Variants in PPP2R5C observed in about 807,000 individuals in gnomAD.
PPP2R5C encodes serine/threonine-protein phosphatase 2A 56 kDa regulatory subunit gamma isoform.
Under a neutral mutation model 68.9 loss-of-function variants are expected in PPP2R5C, and 7 were observed. That is an observed-to-expected ratio of 0.10 (90% CI 0.06 to 0.19). The LOEUF (loss-of-function observed/expected upper bound fraction) is 0.19. Ranked by LOEUF, PPP2R5C falls within the 10% of genes least tolerant of loss-of-function variation. The pLI, the probability that PPP2R5C is intolerant of heterozygous loss-of-function variation, is 1.00. For missense variants in PPP2R5C, 348 were observed against 641.3 expected (o/e 0.54, Z 4.94); for synonymous variants, 210 against 222.2 (o/e 0.95, Z 0.49).
chr14:101,816,708 T>C (rs1233624626), intron 1 of PPP2R5C, among the ~76,000 whole-genome samples: 4 of 151,640 alleles, frequency 2.6e-5, no homozygotes, highest in Admixed American at 1.3e-4. Context: ...TCTCTGCAAC[T>C]TTAAATGGTA....
intron 2 of PPP2R5C, among the ~76,000 whole-genome samples, chr14:101,876,674 G>A (rs2043802219): frequency 6.6e-6 from 1 of 152,196 alleles, no homozygotes; most frequent in African/African-American, 2.4e-5. Context: ...AAGTGTCAGG[G>A]AGGCAGCAGA....
intron 1 of PPP2R5C, among the ~76,000 whole-genome samples, chr14:101,822,952 T>C (rs1280069218): frequency 6.6e-6 from 1 of 152,214 alleles, no homozygotes; most frequent in African/African-American, 2.4e-5. Flanking sequence ...AAACATCAAC[T>C]TACAAAAACC....
At chr14:101,819,238 C>T (rs1366939595) in intron 1 of PPP2R5C, 14 of 654,810 alleles carry the variant, frequency 2.1e-5, no homozygotes, top group South Asian at 4.0e-5. Flanking sequence ...GATAATCGCT[C>T]TCTTGGAACT....
intron 1 of PPP2R5C, among the ~76,000 whole-genome samples, chr14:101,814,857 T>C (rs918017395): frequency 1.3e-5 from 2 of 152,202 alleles, no homozygotes; most frequent in African/African-American, 4.8e-5. Flanking sequence ...CAAGCTGTTG[T>C]GAACACTCAT....
Position 101,915,863 on chromosome 14 carries a change from G to A in PPP2R5C, c.1327-1968G>A, listed in dbSNP as rs1008192456. Among the ~76,000 whole-genome samples the A allele has an allele frequency of 6.6e-6, 1 of 152,140 alleles. No individual in the cohort carries two copies. Among genetic ancestry groups the A allele is most frequent in the Non-Finnish European group, 1.5e-5 (1 of 68,028 alleles). The stretch of plus-strand genomic sequence containing the variant: ...TGGAGATGGCAGGACCAGCTTATTC[G>A]TTCCCATCTCTAAAGAAAGACACAC... On this transcript the variant is annotated intron_variant, in intron 12 of 13. Coordinates refer to ENST00000334743, the Ensembl canonical transcript of PPP2R5C. This position sits in a 1 kb window ranked among gnomAD's most constrained non-coding sequence, Gnocchi z 4.2.
intron 1 of PPP2R5C, among the ~76,000 whole-genome samples, chr14:101,832,935 A>G (rs2040841041): frequency 6.6e-6 from 1 of 152,156 alleles, no homozygotes; most frequent in Non-Finnish European, 1.5e-5. Flanking sequence ...CTTCATTTGG[A>G]AAATGGGAGT....
intron 2 of PPP2R5C, among the ~76,000 whole-genome samples, chr14:101,767,763 C>T (rs904546306): frequency 6.6e-6 from 1 of 152,230 alleles, no homozygotes; most frequent in Non-Finnish European, 1.5e-5. Context: ...CCAGGGGCAT[C>T]AGAAAGAGGT....
intron 1 of PPP2R5C, among the ~76,000 whole-genome samples, chr14:101,814,501 AAC>A (rs2039546234): frequency 6.6e-6 from 1 of 152,154 alleles, no homozygotes. Flanking sequence ...TATGCTCATA[AAC>A]ACACTCTCAT....
chr14:101,848,525 G>A (rs1205345562), intron 1 of PPP2R5C, among the ~76,000 whole-genome samples: 6 of 151,714 alleles, frequency 4.0e-5, no homozygotes, highest in Admixed American at 2.6e-4. Flanking sequence ...GCAACAGAGC[G>A]AGACTCTGTC....
At chr14:101,869,336 T>C (rs1231487692) in intron 2 of PPP2R5C, among the ~76,000 whole-genome samples, 1 of 152,248 alleles carries the variant, frequency 6.6e-6, no homozygotes, top group Non-Finnish European at 1.5e-5. Context: ...CCATTTCCTA[T>C]GGAGGGATAT....
upstream of PPP2R5C, chr14:101,761,858 C>A: frequency 9.2e-7 from 1 of 1,083,990 alleles, no homozygotes; most frequent in Non-Finnish European, 1.1e-6. Flanking sequence ...CAGGCGGCGG[C>A]AGGGGCGGCG....
chr14:101,827,029 G>A (rs531087175), intron 1 of PPP2R5C, among the ~76,000 whole-genome samples: 2 of 140,228 alleles, frequency 1.4e-5, no homozygotes, highest in African/African-American at 2.7e-5. Context: ...AGGCTGGAGT[G>A]CAGTGGGGTG....
At chr14:101,839,057 A>T (rs2041297056) in intron 1 of PPP2R5C, 1 of 87,826 alleles carries the variant, frequency 1.1e-5, no homozygotes, top group Admixed American at 1.2e-4. Flanking sequence ...TTAGAAAAGA[A>T]AAAAAAAAAA....
chr14:101,849,650 G>A (rs1485464528), intron 1 of PPP2R5C, among the ~76,000 whole-genome samples: 5 of 90,828 alleles, frequency 5.5e-5, no homozygotes, highest in Non-Finnish European at 1.0e-4. Context: ...CTTGATGAAG[G>A]AAAATGTTTA....
exon 9 of PPP2R5C, chr14:101,901,766 A>G: frequency 6.2e-7 from 1 of 1,614,114 alleles, no homozygotes. Flanking sequence ...ACAGTCCAAA[A>G]GAAGTAATGT....
intron 1 of PPP2R5C, among the ~76,000 whole-genome samples, chr14:101,846,665 TA>T (rs1349277529): frequency 6.6e-6 from 1 of 152,208 alleles, no homozygotes; most frequent in Non-Finnish European, 1.5e-5. Context: ...AGATCCTTGT[TA>T]CCAAAAATGA....
intron 12 of PPP2R5C, chr14:101,914,039 C>T (rs1328279868): frequency 2.6e-6 from 1 of 387,580 alleles, no homozygotes; most frequent in Admixed American, 3.0e-5. Flanking sequence ...ACTGCACATA[C>T]TGTACGTAAC....
At chr14:101,883,295 A>T in exon 4 of PPP2R5C, 1 of 1,587,656 alleles carries the variant, frequency 6.3e-7, no homozygotes, top group South Asian at 1.2e-5. Flanking sequence ...TAGAGTCTCC[A>T]GATTTCCAAC....
chr14:101,890,563 T>C (rs138246162), intron 6 of PPP2R5C, among the ~76,000 whole-genome samples: 6 of 152,302 alleles, frequency 3.9e-5, no homozygotes, highest in Non-Finnish European at 8.8e-5. Context: ...CAATTCCAGT[T>C]ATTTCCTCAA....
Sources: gnomAD v4.1 joint callset for allele counts (sites outside exome capture counted in the v4.1 genomes callset) on GRCh38, gnomAD v4.1.1 for gene constraint, Gnocchi (gnomAD v3.1) non-coding constraint, MANE v1.5 for transcripts, NCBI Gene and HGNC (gene_info 2026-07-23, HGNC 2026-07-21) for gene names.